GART: variants seen among roughly 807,000 people sequenced by gnomAD.
GART encodes phosphoribosylglycinamide formyltransferase, phosphoribosylglycinamide synthetase, phosphoribosylaminoimidazole synthetase, also known as trifunctional purine biosynthetic protein adenosine-3.
GART carries 43 observed loss-of-function variants against 107.2 expected under a neutral mutation model. The ratio of observed to expected loss-of-function variants is 0.40; its 90% CI spans 0.31 to 0.52. The LOEUF is 0.52. Among genes scored for constraint, GART ranks in the 20% least tolerant of loss-of-function variants. GART has a pLI of 0.52. For missense variants in GART, 1,107 were observed against 1,206.5 expected, an observed-to-expected ratio of 0.92 and a Z score of 1.22; for synonymous variants, 434 against 427.0, an observed-to-expected ratio of 1.02 and a Z score of -0.20.
chr21:33,507,489 G>A (rs149635723), intron 18 of GART, among the ~76,000 whole-genome samples: 27 of 152,262 alleles, frequency 1.8e-4, no homozygotes, highest in Non-Finnish European at 2.6e-4. Flanking sequence ...GCATAACAGG[G>A]TGACTATAGT....
At chr21:33,514,447 A>G (rs984493167) in intron 16 of GART, among the ~76,000 whole-genome samples, 4 of 152,140 alleles carry the variant, frequency 2.6e-5, no homozygotes, top group African/African-American at 9.7e-5. Flanking sequence ...TATCACTTTC[A>G]GTTTCTTAAT....
rs2085281823 is a variant in GART, at chr21:33,535,289, A to G, written c.177T>C (p.Ala59=). 6.9e-7 allele frequency: 1 copy of G among 1,457,360 alleles called. No individual in the cohort carries two copies. Among genetic ancestry groups the G allele is most frequent in the Admixed American group, 1.9e-5 (1 of 51,730 alleles). 90.3% of individuals were successfully genotyped at this position (1,457,360 alleles called of 1,614,324 possible). A position where few individuals can be genotyped will look rare whatever the true frequency, so the allele number is the denominator to read the frequency against. Residue 59 remains alanine (A), a synonymous_variant, in exon 3 of 22, where the codon GCT becomes GCC. Transcript: ENST00000381815. ...CAATTTTCTTCTCTTTGCAGAATTG[A>G]GCAAGGGCAGTGTGGTCACTGATTG... is the stretch of plus-strand genomic sequence containing the variant. ...AISISDHTAL[A]QFCKEKKIEF... is the part of the protein sequence containing the mutation.
At chr21:33,531,024 G>A (rs2145744282) in intron 6 of GART, 140 bp from the exon 7 acceptor site, 2 of 634,482 alleles carry the variant, frequency 3.2e-6, no homozygotes, top group African/African-American at 1.9e-5. Flanking sequence ...GAACCGAAAC[G>A]TCAATAACAT....
intron 7 of GART, chr21:33,529,647 C>T (rs576344515): frequency 7.1e-4 from 109 of 152,490 alleles, no homozygotes; most frequent in African/African-American, 2.5e-3. Context: ...TCAGTAGAGA[C>T]GGGGTTTCTC....
rs995397836 is a variant in GART, at chr21:33,531,200, T to C, written c.597+289A>G. ...CTTGGTTTAAGGTGACTTTATTTAT[T>C]GTGCAATAAACTGTATATGAAAGAA... On this transcript the variant is annotated intron_variant, in intron 6 of 21. Transcript: ENST00000381815. The C allele has an allele frequency of 1.2e-4, 48 of 404,804 alleles. No homozygotes were observed. The Admixed American group carries it at 1.5e-3, about 12-fold the overall frequency. The allele number at this position is 404,804 out of a possible 1,614,324, so 25.1% of individuals were successfully genotyped here.
Position 33,532,361 on chromosome 21 carries a change from A to G in GART, c.512T>C (p.Val171Ala). Residue 171 changes from valine to alanine, a missense_variant, in exon 5 of 22, where the codon GTA becomes GCA. Physicochemically the swap from Val to Ala is moderately conservative, Grantham distance 64. Coordinates refer to ENST00000381815, the MANE Select transcript of GART (RefSeq NM_000819.5). ...AKSKEEACKA[V>A]QEIMQEKAFG... ...CCAGCCTACCTGCATGATCTCTTGT[A>G]CAGCTTTGCAGGCCTCTTCTTTGCT... 1 of 1,613,680 alleles carries G rather than the reference A, an allele frequency of 6.2e-7. No homozygotes were observed. Among genetic ancestry groups the G allele is most frequent in the Non-Finnish European group, 8.5e-7 (1 of 1,179,620 alleles).
At chr21:33,526,008 T>G (rs1173328576) in intron 10 of GART, among the ~76,000 whole-genome samples, 1 of 151,790 alleles carries the variant, frequency 6.6e-6, no homozygotes, top group Non-Finnish European at 1.5e-5. Flanking sequence ...TAGCTGGGAC[T>G]ACAGGTGCCC....
At chr21:33,505,779 C>G (rs571274696) in intron 19 of GART, 77 bp from the exon 20 acceptor site, 2 of 1,374,080 alleles carry the variant, frequency 1.5e-6, no homozygotes, top group Admixed American at 2.3e-5. Flanking sequence ...TTTACACAGA[C>G]CATACTTCAC....
chr21:33,522,286 A>T lies in GART; in HGVS notation c.1299-4T>A. ...AGATTCCTTGTAAGTCAAACTCCTA[A>T]AGAATTAAAAACAAGTCATCACCTA... On this transcript the variant is annotated splice_polypyrimidine_tract_variant and splice_region_variant and intron_variant, in intron 11 of 21. Transcript: ENST00000381815. 1 of 1,596,606 alleles carries T rather than the reference A, an allele frequency of 6.3e-7. No individual in the cohort carries two copies. Among genetic ancestry groups the T allele is most frequent in the Non-Finnish European group, 8.6e-7 (1 of 1,164,298 alleles).
chr21:33,531,053 A>C, intron 6 of GART, 169 bp from the exon 7 acceptor site: 1 of 471,000 alleles, frequency 2.1e-6, no homozygotes, highest in Non-Finnish European at 3.4e-6. Flanking sequence ...ATACATCAAG[A>C]ATCATAATGT....
Position 33,505,874 on chromosome 21 carries a change from C to T in GART, c.2583+100G>A, listed in dbSNP as rs565796752. 2.6e-5 allele frequency: 40 copies of T among 1,512,744 alleles called. No individual in the cohort carries two copies. The Admixed American group carries it at 4.4e-4, about 17-fold the overall frequency. The allele number at this position is 1,512,744 out of a possible 1,614,324, so 93.7% of individuals were successfully genotyped here. ...CAAGCCCAGCACCCACCCAAAATGGCGAAGTCCCAAGAACAAGTGCCCATA... is the reference window on the plus strand; with the variant it reads ...CAAGCCCAGCACCCACCCAAAATGGTGAAGTCCCAAGAACAAGTGCCCATA... On this transcript the variant is annotated intron_variant, in intron 19 of 21. Transcript: ENST00000381815.
intron 10 of GART, among the ~76,000 whole-genome samples, chr21:33,526,610 C>T (rs1011896134): frequency 6.6e-6 from 1 of 151,758 alleles, no homozygotes; most frequent in Non-Finnish European, 1.5e-5. Context: ...CAGTACAATG[C>T]AAAACATAAG....
At chr21:33,535,434 C>T in intron 2 of GART, 114 bp from the exon 3 acceptor site, 2 of 593,034 alleles carry the variant, frequency 3.4e-6, no homozygotes, top group Non-Finnish European at 5.6e-6. Context: ...TGCTTGTTAT[C>T]TGTTGGTTTT....
At chr21:33,523,787 T>C (rs1463829621) in intron 11 of GART, among the ~76,000 whole-genome samples, 4 of 151,422 alleles carry the variant, frequency 2.6e-5, no homozygotes, top group Admixed American at 6.6e-5. Context: ...GCCAACATGG[T>C]GAAACCCCAT....
intron 16 of GART, among the ~76,000 whole-genome samples, chr21:33,515,442 C>T (rs375085347): frequency 1.3e-5 from 2 of 151,932 alleles, no homozygotes; most frequent in African/African-American, 4.8e-5. Context: ...GAGATTGAGA[C>T]CATCCTGGCC....
At chr21:33,541,573 C>G (rs993739857) in intron 1 of GART, among the ~76,000 whole-genome samples, 4 of 152,232 alleles carry the variant, frequency 2.6e-5, no homozygotes, top group African/African-American at 9.6e-5. Flanking sequence ...GCCTGGGCTC[C>G]TGAGTCTCAC....
chr21:33,535,107 A>G, intron 3 of GART, 118 bp downstream of exon 3: 2 of 663,058 alleles, frequency 3.0e-6, no homozygotes, highest in Non-Finnish European at 4.7e-6. Context: ...CGAGAGTGGA[A>G]GCTCTTTTTC....
At chr21:33,539,421 A>C in intron 1 of GART, 65 bp from the exon 2 acceptor site, 12 of 1,265,382 alleles carry the variant, frequency 9.5e-6, no homozygotes, top group Non-Finnish European at 1.3e-5. Context: ...GGACGGGCAC[A>C]GTGGCTCATG....
chr21:33,520,308 G>C, intron 14 of GART, 56 bp downstream of exon 14: 1 of 1,513,354 alleles, frequency 6.6e-7, no homozygotes, highest in South Asian at 1.1e-5. Flanking sequence ...TTTTTACATA[G>C]GGCTAAAACA....
Sources: gnomAD v4.1 joint callset for allele counts (sites outside exome capture counted in the v4.1 genomes callset) on GRCh38, gnomAD v4.1.1 for gene constraint, MANE v1.5 for transcripts, NCBI Gene and HGNC (gene_info 2026-07-23, HGNC 2026-07-21) for gene names.